DIAPH3: variants seen among roughly 807,000 people sequenced by gnomAD.
The protein encoded by DIAPH3 is protein diaphanous homolog 3.
Under a neutral mutation model 144.3 loss-of-function variants are expected in DIAPH3, and 117 were observed. The observed-to-expected ratio is 0.81, with a 90% CI of 0.70 to 0.95. The LOEUF (loss-of-function observed/expected upper bound fraction) is 0.95, where lower values mean the gene tolerates loss of function less well. DIAPH3 is among the 40% of genes least tolerant of loss of function. The probability of loss-of-function intolerance (pLI) is 0.00; values close to 1 mark genes in which losing one functional copy is unlikely to be tolerated. For synonymous variants in DIAPH3, 519 were observed against 488.9 expected (o/e 1.06, Z -0.81); for missense variants, 1,421 against 1,412.7 (o/e 1.01, Z -0.09).
chr13:60,028,927 C>T (rs552943571), intron 5 of DIAPH3, among the ~76,000 whole-genome samples: 1 of 151,874 alleles, frequency 6.6e-6, no homozygotes, highest in African/African-American at 2.4e-5. Flanking sequence ...GGTGTGGTGG[C>T]ATGCGCCTGT....
At chr13:59,823,550 A>G (rs1291395399) in intron 24 of DIAPH3, among the ~76,000 whole-genome samples, 1 of 152,210 alleles carries the variant, frequency 6.6e-6, no homozygotes, top group Non-Finnish European at 1.5e-5. Context: ...GCAAGGATAG[A>G]AGATGCTTCC....
Position 60,010,632 on chromosome 13 carries a change from A to G in DIAPH3, c.809T>C (p.Leu270Pro). 1.9e-6 allele frequency: 3 copies of G among 1,613,924 alleles called. No homozygotes were observed. The highest frequency in any genetic ancestry group is 4.5e-5 in the East Asian group (2 of 44,862). ...LERIMSEERS[L>P]SLLAKAVDPR... ...ATCCACGGCTTTGGCCAATAAGGAA[A>G]GGCTCCTCTCCTCACTCATAATTCT... Residue 270 changes from leucine to proline, a missense_variant, in exon 8 of 28, where the codon CTT (leucine) becomes CCT (proline). By Grantham distance (98) the Leu-to-Pro change is moderately conservative (BLOSUM62 -3). Transcript: ENST00000400324.
At chr13:59,905,204 G>A (rs954810932) in intron 20 of DIAPH3, among the ~76,000 whole-genome samples, 26 of 151,624 alleles carry the variant, frequency 1.7e-4, no homozygotes, top group African/African-American at 5.3e-4. Context: ...TTAGCCGGGC[G>A]TGGTGGCGGG....
At chr13:59,785,741 T>A (rs955184294) in intron 25 of DIAPH3, among the ~76,000 whole-genome samples, 3 of 152,166 alleles carry the variant, frequency 2.0e-5, no homozygotes, top group Admixed American at 1.3e-4. Flanking sequence ...TCTCTGTGGC[T>A]CCCCTGCAGC....
At chr13:60,029,986 C>T (rs995664667) in intron 5 of DIAPH3, among the ~76,000 whole-genome samples, 14 of 152,100 alleles carry the variant, frequency 9.2e-5, no homozygotes, top group Admixed American at 8.5e-4. Flanking sequence ...TCTCTCCATC[C>T]CTCTGCCACA....
chr13:60,116,634 T>C (rs2138105853), intron 2 of DIAPH3, among the ~76,000 whole-genome samples: 1 of 152,006 alleles, frequency 6.6e-6, no homozygotes, highest in South Asian at 2.1e-4. Context: ...GCCAAACTTA[T>C]AATGAAGTGA....
chr13:59,751,628 G>C (rs1022025458), intron 27 of DIAPH3, among the ~76,000 whole-genome samples: 1 of 152,184 alleles, frequency 6.6e-6, no homozygotes, highest in African/African-American at 2.4e-5. Context: ...CTGGATGTCT[G>C]TAATTGTATG....
chr13:59,713,834 G>A (rs1183788469), intron 27 of DIAPH3, among the ~76,000 whole-genome samples: 1 of 152,244 alleles, frequency 6.6e-6, no homozygotes, highest in Non-Finnish European at 1.5e-5. Context: ...ATAGCTGTGT[G>A]TGGATGTGAT....
At chr13:59,795,428 G>C (rs2039538837) in intron 25 of DIAPH3, among the ~76,000 whole-genome samples, 1 of 151,534 alleles carries the variant, frequency 6.6e-6, no homozygotes, top group African/African-American at 2.4e-5. Flanking sequence ...TCTGTCCCAG[G>C]GAATTTAGGT....
intron 25 of DIAPH3, among the ~76,000 whole-genome samples, chr13:59,810,428 C>A (rs574589819): frequency 6.6e-6 from 1 of 152,092 alleles, no homozygotes; most frequent in Non-Finnish European, 1.5e-5. Flanking sequence ...TTGAAGAAAC[C>A]GGGTTACATG....
intron 27 of DIAPH3, among the ~76,000 whole-genome samples, chr13:59,692,612 T>C (rs1046670176): frequency 6.6e-6 from 1 of 152,112 alleles, no homozygotes; most frequent in East Asian, 1.9e-4. Flanking sequence ...AGGCCCAGAA[T>C]GGTCAAAAGA....
chr13:59,672,734 C>T (rs907526240), intron 27 of DIAPH3, among the ~76,000 whole-genome samples: 1 of 152,166 alleles, frequency 6.6e-6, no homozygotes, highest in Admixed American at 6.5e-5. Context: ...TTTCATTTCG[C>T]TGTTTATCTT....
intron 27 of DIAPH3, among the ~76,000 whole-genome samples, chr13:59,686,797 C>T (rs1373125955): frequency 6.6e-6 from 1 of 152,048 alleles, no homozygotes; most frequent in Non-Finnish European, 1.5e-5. Context: ...CATCACACAT[C>T]CTCAGGCAAA....
At position 59,666,794 on chromosome 13, in the gene DIAPH3, A is replaced by G. The variant is rs907635794; in HGVS notation, c.3372T>C (p.Asn1124=). The change falls in exon 28 of 28, where the codon AAT becomes AAC. Residue 1124 remains asparagine, a synonymous_variant. Coordinates refer to ENST00000400324, the MANE Select transcript of DIAPH3 (RefSeq NM_001042517.2). ...TEGSRSHYNI[N]CNSTRTPVAK... ...CGACTGGAGTCCTTGTTGAGTTGCA[A>G]TTGATATTGTAGTGTGAACGTGACC... 6 of 1,614,054 alleles carry G rather than the reference A, an allele frequency of 3.7e-6. No homozygotes were observed. In the African/African-American group the frequency reaches 5.3e-5, roughly 14 times the overall value.
intron 23 of DIAPH3, among the ~76,000 whole-genome samples, chr13:59,835,871 T>C (rs1406958661): frequency 1.3e-5 from 2 of 151,844 alleles, no homozygotes; most frequent in South Asian, 2.1e-4. Flanking sequence ...GTGTAGAATA[T>C]AGATATAAGT....
At chr13:60,057,983 G>A (rs1301283242) in intron 4 of DIAPH3, among the ~76,000 whole-genome samples, 4 of 151,608 alleles carry the variant, frequency 2.6e-5, no homozygotes, top group Non-Finnish European at 4.4e-5. Context: ...CATTGGCCCT[G>A]GCAAATAATT....
intron 27 of DIAPH3, among the ~76,000 whole-genome samples, chr13:59,716,342 A>AT (rs1334485149): frequency 1.3e-5 from 2 of 151,924 alleles, no homozygotes; most frequent in Admixed American, 1.3e-4. Context: ...CGCCCGGCTA[A>AT]TTTTTTGTAT....
At chr13:59,710,294 A>G (rs2034667109) in intron 27 of DIAPH3, among the ~76,000 whole-genome samples, 1 of 151,382 alleles carries the variant, frequency 6.6e-6, no homozygotes, top group African/African-American at 2.4e-5. Context: ...AAAAAAAAAG[A>G]AAAGTGCTAA....
At chr13:59,983,187 T>TAAAAA (rs2051139601) in intron 13 of DIAPH3, among the ~76,000 whole-genome samples, 1 of 132,228 alleles carries the variant, frequency 7.6e-6, no homozygotes. Flanking sequence ...CCATCGTCTG[T>TAAAAA]ATGAGTCATT....
Sources: gnomAD v4.1 joint callset for allele counts (sites outside exome capture counted in the v4.1 genomes callset) on GRCh38, gnomAD v4.1.1 for gene constraint, MANE v1.5 for transcripts, NCBI Gene and HGNC (gene_info 2026-07-23, HGNC 2026-07-21) for gene names.